The following XYLT1 variants were observed in gnomAD, a reference collection of about 807,000 sequenced individuals.
The protein encoded by XYLT1 is xylosyltransferase 1.
XYLT1 carries 36 observed loss-of-function variants against 91.3 expected under a neutral mutation model. That is an observed-to-expected ratio of 0.39 (90% CI 0.30 to 0.52). The LOEUF (loss-of-function observed/expected upper bound fraction) is 0.52. Ranked by LOEUF, XYLT1 falls within the 20% of genes least tolerant of loss-of-function variation. The pLI is 0.68. For missense variants in XYLT1, 1,242 were observed against 1,284.5 expected, an observed-to-expected ratio of 0.97 and a Z score of 0.51; for synonymous variants, 588 against 532.0, an observed-to-expected ratio of 1.11 and a Z score of -1.45.
rs189927017 is a variant in XYLT1 at position 17,359,096 on chromosome 16, C to G, written c.364-1046G>C. On this transcript the variant is annotated intron_variant, in intron 1 of 11. Transcript: ENST00000261381. ...TCCAGTGAGTGGTTTCCAAAGAAAA[C>G]AGGAAACCCAGCACATGAAGGCTAT... Among the ~76,000 whole-genome samples the G allele has an allele frequency of 7.2e-5, 11 of 152,240 alleles. No homozygotes were observed. The East Asian group carries it at 2.1e-3, about 29-fold the overall frequency.
At chr16:17,156,384 A>G (rs982431632) in intron 6 of XYLT1, among the ~76,000 whole-genome samples, 4 of 152,210 alleles carry the variant, frequency 2.6e-5, no homozygotes, top group Non-Finnish European at 4.4e-5. Flanking sequence ...CAAATCACCT[A>G]TTAGCTGCTA....
intron 2 of XYLT1, among the ~76,000 whole-genome samples, chr16:17,263,273 TC>T (rs1363162236): frequency 6.6e-6 from 1 of 151,840 alleles, no homozygotes; most frequent in African/African-American, 2.4e-5. Flanking sequence ...TGCGATCATC[TC>T]CCTCCACCCC....
chr16:17,352,648 A>ATC (rs2035238105), intron 2 of XYLT1, among the ~76,000 whole-genome samples: 1 of 152,102 alleles, frequency 6.6e-6, no homozygotes, highest in Non-Finnish European at 1.5e-5. Flanking sequence ...CTCAAACCTC[A>ATC]TCTCTCCAGC....
At chr16:17,181,085 C>T (rs1289781024) in intron 5 of XYLT1, among the ~76,000 whole-genome samples, 1 of 152,094 alleles carries the variant, frequency 6.6e-6, no homozygotes, top group Non-Finnish European at 1.5e-5. Flanking sequence ...GAGAAATGCA[C>T]TTGATTTTTC....
At chr16:17,189,738 C>A (rs538831093) in intron 5 of XYLT1, among the ~76,000 whole-genome samples, 1 of 152,272 alleles carries the variant, frequency 6.6e-6, no homozygotes, top group South Asian at 2.1e-4. Context: ...TACTATGTAA[C>A]TGCATTCATA....
intron 1 of XYLT1, among the ~76,000 whole-genome samples, chr16:17,438,796 C>G (rs778412954): frequency 6.6e-6 from 1 of 152,020 alleles, no homozygotes; most frequent in Non-Finnish European, 1.5e-5. Context: ...TGAGAACTCA[C>G]TCATTATCAC....
intron 1 of XYLT1, among the ~76,000 whole-genome samples, chr16:17,449,412 G>A (rs965090199): frequency 6.6e-6 from 1 of 152,258 alleles, no homozygotes; most frequent in African/African-American, 2.4e-5. Flanking sequence ...TCCCCTATGG[G>A]CTGCGGGGAC....
At chr16:17,330,853 G>A (rs1303123040) in intron 2 of XYLT1, among the ~76,000 whole-genome samples, 2 of 152,084 alleles carry the variant, frequency 1.3e-5, no homozygotes, top group African/African-American at 2.4e-5. Context: ...AGGAGCAAGG[G>A]GCAGTGATAT....
chr16:17,388,246 G>A (rs188477809), intron 1 of XYLT1, among the ~76,000 whole-genome samples: 4 of 152,210 alleles, frequency 2.6e-5, no homozygotes, highest in East Asian at 1.9e-4. Flanking sequence ...CAAATACATC[G>A]CTAGCCTGAG....
At chr16:17,380,304 CAAAT>C (rs1382999190) in intron 1 of XYLT1, among the ~76,000 whole-genome samples, 1 of 152,020 alleles carries the variant, frequency 6.6e-6, no homozygotes, top group African/African-American at 2.4e-5. Context: ...AATAAATAAA[CAAAT>C]AAATAAAAAT....
chr16:17,161,137 T>C (rs1428100257), intron 5 of XYLT1, among the ~76,000 whole-genome samples: 1 of 152,230 alleles, frequency 6.6e-6, no homozygotes, highest in Non-Finnish European at 1.5e-5. Flanking sequence ...CAGTTCCATT[T>C]GGCAATCCCA....
At chr16:17,449,318 C>T (rs1224673918) in intron 1 of XYLT1, among the ~76,000 whole-genome samples, 1 of 152,258 alleles carries the variant, frequency 6.6e-6, no homozygotes, top group African/African-American at 2.4e-5. Flanking sequence ...AGGATCTCAG[C>T]AATTCCACGG....
chr16:17,434,419 C>A (rs141246105), intron 1 of XYLT1, among the ~76,000 whole-genome samples: 1 of 152,192 alleles, frequency 6.6e-6, no homozygotes, highest in African/African-American at 2.4e-5. Context: ...TTCTGTCTTT[C>A]GTAAGTATGC....
At chr16:17,219,280 C>CA (rs369055155) in intron 3 of XYLT1, among the ~76,000 whole-genome samples, 5,872 of 84,824 alleles carry the variant, frequency 0.069, 407 homozygotes, top group African/African-American at 0.15. Context: ...GACTTTGTCT[C>CA]AAAAAAAAAA....
chr16:17,447,645 G>A (rs1419125081), intron 1 of XYLT1, among the ~76,000 whole-genome samples: 1 of 152,192 alleles, frequency 6.6e-6, no homozygotes, highest in African/African-American at 2.4e-5. Context: ...CTACATCCCA[G>A]GGAGAAGGAG....
intron 1 of XYLT1, among the ~76,000 whole-genome samples, chr16:17,418,706 T>C: frequency 6.6e-6 from 1 of 151,950 alleles, no homozygotes; most frequent in Admixed American, 6.6e-5. Context: ...AAATAAGCCA[T>C]CCATGGTGGT....
chr16:17,470,492 G>C lies in XYLT1; in HGVS notation c.305C>G (p.Pro102Arg). ...GPQARARGGG[P>R]GEPRGQQPAS... ...CGGCTGCTGTCCCCGCGGTTCTCCG[G>C]GGCCGCCTCCCCGCGCCCGCGCCTG... Residue 102 changes from proline to arginine, a missense_variant, in exon 1 of 12, where the codon CCC (proline) becomes CGC (arginine). Physicochemically the swap from Pro to Arg is moderately radical, Grantham distance 103. Coordinates refer to ENST00000261381, the MANE Select transcript of XYLT1 (RefSeq NM_022166.4). The C allele has an allele frequency of 8.1e-7, 1 of 1,231,440 alleles. No homozygotes were observed. The highest frequency in any genetic ancestry group is 1.0e-6 in the Non-Finnish European group (1 of 988,106). 76.3% of individuals were successfully genotyped at this position (1,231,440 alleles called of 1,614,324 possible). A position where few individuals can be genotyped will look rare whatever the true frequency, so the allele number is the denominator to read the frequency against.
rs1190274488 is a variant in XYLT1 at position 17,102,700 on chromosome 16, A to T, written c.*5995T>A. Reference sequence around the variant, plus strand: ...TCTTAAAATACTCCTTTAAATAAATAGCAAAATATCTACATATTTCAGCGT... The same window carrying T: ...TCTTAAAATACTCCTTTAAATAAATTGCAAAATATCTACATATTTCAGCGT... On this transcript the variant is annotated 3_prime_UTR_variant, in exon 12 of 12. Transcript: ENST00000261381. 1 of 152,474 alleles carries T rather than the reference A, an allele frequency of 6.6e-6. No individual in the cohort carries two copies. Among genetic ancestry groups the T allele is most frequent in the Non-Finnish European group, 1.5e-5 (1 of 68,048 alleles). The allele number at this position is 152,474 out of a possible 1,614,324, so 9.4% of individuals were successfully genotyped here. A position where few individuals can be genotyped will look rare whatever the true frequency, so the allele number is the denominator to read the frequency against.
intron 2 of XYLT1, among the ~76,000 whole-genome samples, chr16:17,266,441 G>T (rs924860016): frequency 1.2e-4 from 18 of 152,136 alleles, no homozygotes; most frequent in African/African-American, 4.3e-4. Context: ...TAAAGAAGAC[G>T]CTATATTTTC....
Sources: allele counts gnomAD v4.1 joint callset (sites outside exome capture counted in the v4.1 genomes callset), GRCh38; gene constraint gnomAD v4.1.1; transcripts MANE v1.5; gene names NCBI Gene and HGNC (gene_info 2026-07-23, HGNC 2026-07-21).